The following SCMH1 variants were observed in gnomAD, a reference collection of about 807,000 sequenced individuals.
SCMH1 encodes the protein polycomb protein SCMH1.
Under a neutral mutation model 70.8 loss-of-function variants are expected in SCMH1, and 37 were observed. That is an observed-to-expected ratio of 0.52 (90% CI 0.40 to 0.69). The LOEUF is 0.69. Ranked by LOEUF, SCMH1 falls within the 30% of genes least tolerant of loss-of-function variation. SCMH1 has a pLI of 0.00. For synonymous variants in SCMH1, 292 were observed against 307.4 expected (o/e 0.95, Z 0.52); for missense variants, 607 against 827.3 (o/e 0.73, Z 3.27).
intron 6 of SCMH1, among the ~76,000 whole-genome samples, chr1:41,136,388 T>TC (rs1417709389): frequency 6.6e-6 from 1 of 151,616 alleles, no homozygotes; most frequent in Non-Finnish European, 1.5e-5. Context: ...CTTTCTTTTT[T>TC]TTTTTTTTGA....
At chr1:41,110,746 T>A (rs1310712285) in intron 8 of SCMH1, among the ~76,000 whole-genome samples, 3 of 152,248 alleles carry the variant, frequency 2.0e-5, no homozygotes, top group Non-Finnish European at 2.9e-5. Flanking sequence ...AATGCTGCCA[T>A]GAATGTTCAT....
intron 1 of SCMH1, among the ~76,000 whole-genome samples, chr1:41,229,638 T>C (rs1389391555): frequency 1.3e-5 from 2 of 151,958 alleles, no homozygotes. Context: ...ATACCTAATG[T>C]AAATGACAAG....
intron 2 of SCMH1, among the ~76,000 whole-genome samples, chr1:41,170,738 T>C (rs1055341260): frequency 6.6e-6 from 1 of 152,214 alleles, no homozygotes; most frequent in Non-Finnish European, 1.5e-5. Flanking sequence ...TTATCTGCAG[T>C]TATTGCCTCC....
At chr1:41,036,752 T>C (rs1213971669) in intron 13 of SCMH1, among the ~76,000 whole-genome samples, 1 of 152,240 alleles carries the variant, frequency 6.6e-6, no homozygotes, top group African/African-American at 2.4e-5. Flanking sequence ...CCAAATTGCA[T>C]GCAGTTCCTG....
intron 9 of SCMH1, among the ~76,000 whole-genome samples, chr1:41,073,570 G>A (rs571953261): frequency 2.0e-5 from 3 of 151,966 alleles, no homozygotes; most frequent in African/African-American, 7.2e-5. Flanking sequence ...CTGAGAATTC[G>A]AAGCCAAAAA....
At chr1:41,240,867 T>G (rs1663373306) in intron 1 of SCMH1, among the ~76,000 whole-genome samples, 2 of 152,068 alleles carry the variant, frequency 1.3e-5, no homozygotes, top group African/African-American at 4.8e-5. Context: ...CTACGTTTTG[T>G]CTCCAGGATC....
At chr1:41,032,523 A>G (rs529737443) in intron 13 of SCMH1, among the ~76,000 whole-genome samples, 2 of 152,238 alleles carry the variant, frequency 1.3e-5, no homozygotes, top group Non-Finnish European at 2.9e-5. Context: ...GGCAGTGAAG[A>G]TAACAGAGGA....
At chr1:41,240,743 TTTC>T (rs1352208784) in intron 1 of SCMH1, among the ~76,000 whole-genome samples, 27 of 142,800 alleles carry the variant, frequency 1.9e-4, no homozygotes, top group African/African-American at 4.9e-4. Flanking sequence ...TACTAAATGT[TTTC>T]TTTTTTTTTT....
In SCMH1 at chr1:41,215,553, C is replaced by T. The variant is rs74070715; in HGVS notation, c.-118+26506G>A. 6.7e-3 allele frequency among the ~76,000 whole-genome samples: 1,013 copies of T among 152,192 alleles called. 15 individuals are homozygous for T. The highest frequency in any genetic ancestry group is 0.023 in the African/African-American group (975 of 41,526). ...AGTTATTCCAAATGATTTGCAGTCC[C>T]TCCTCTTATCTGCAATGAGGCCCCT... On this transcript the variant is annotated intron_variant, in intron 1 of 14. Transcript: ENST00000337495.
intron 8 of SCMH1, among the ~76,000 whole-genome samples, chr1:41,089,053 T>C (rs1351541108): frequency 6.6e-6 from 1 of 152,218 alleles, no homozygotes; most frequent in African/African-American, 2.4e-5. Flanking sequence ...TCTGCTTTAG[T>C]AGGTCTGGGA....
At chr1:41,222,928 T>G (rs1034131011) in intron 1 of SCMH1, among the ~76,000 whole-genome samples, 1 of 152,202 alleles carries the variant, frequency 6.6e-6, no homozygotes, top group Admixed American at 6.5e-5. Context: ...TGAAATCATC[T>G]CTTTCATGAA....
At chr1:41,159,697 T>A in intron 4 of SCMH1, 1 of 1,526,306 alleles carries the variant, frequency 6.6e-7, no homozygotes, top group Non-Finnish European at 8.8e-7. Flanking sequence ...AAAATAACTA[T>A]CATTTATCAA....
At chr1:41,105,636 G>T (rs1387525128) in intron 8 of SCMH1, among the ~76,000 whole-genome samples, 1 of 152,118 alleles carries the variant, frequency 6.6e-6, no homozygotes, top group Non-Finnish European at 1.5e-5. Context: ...GTCACAATAG[G>T]TGATACACAT....
intron 12 of SCMH1, chr1:41,043,670 C>T (rs1167044345): frequency 2.0e-5 from 3 of 149,724 alleles, no homozygotes; most frequent in Admixed American, 6.7e-5. Context: ...CCTGATCTCA[C>T]GATCCACCCG....
chr1:41,131,364 A>G (rs1309478067), intron 6 of SCMH1, among the ~76,000 whole-genome samples: 1 of 152,104 alleles, frequency 6.6e-6, no homozygotes, highest in African/African-American at 2.4e-5. Flanking sequence ...TATTGCTATG[A>G]TTATTCTGGG....
chr1:41,063,654 A>G (rs1258531393), intron 10 of SCMH1, among the ~76,000 whole-genome samples: 1 of 152,228 alleles, frequency 6.6e-6, no homozygotes, highest in African/African-American at 2.4e-5. Context: ...GGACATCACT[A>G]CAGATCCTAT....
intron 10 of SCMH1, among the ~76,000 whole-genome samples, chr1:41,052,893 G>T (rs185135097): frequency 4.7e-5 from 7 of 148,092 alleles, no homozygotes; most frequent in Admixed American, 1.4e-4. Flanking sequence ...TCACATGGGT[G>T]CTTAAAACTC....
At chr1:41,053,776 G>C (rs74071136) in intron 10 of SCMH1, among the ~76,000 whole-genome samples, 2,038 of 152,276 alleles carry the variant, frequency 0.013, 46 homozygotes, top group African/African-American at 0.047. Context: ...GGACCACACA[G>C]AGTGTCAGTG....
In SCMH1 at chr1:41,114,050, C is replaced by G. The variant is rs147516629; in HGVS notation, c.502-524G>C. 6.1e-3 allele frequency among the ~76,000 whole-genome samples: 932 copies of G among 152,192 alleles called. 15 individuals are homozygous for G. The highest frequency in any genetic ancestry group is 0.021 in the African/African-American group (891 of 41,538). ...TTGTATATATATATCGAAATTTATT[C>G]ATTCTCCTTTGGACACTTAAAGATC... On this transcript the variant is annotated intron_variant, in intron 7 of 14. Coordinates refer to ENST00000337495, the Ensembl canonical transcript of SCMH1.
Sources: gnomAD v4.1 joint callset for allele counts (sites outside exome capture counted in the v4.1 genomes callset) on GRCh38, gnomAD v4.1.1 for gene constraint, MANE v1.5 for transcripts, NCBI Gene and HGNC (gene_info 2026-07-23, HGNC 2026-07-21) for gene names.